NBL1: variants seen among roughly 807,000 people sequenced by gnomAD.
The protein encoded by NBL1 is neuroblastoma suppressor of tumorigenicity 1.
In NBL1, 9 loss-of-function variants were observed where a neutral mutation model predicts 16.0. The observed-to-expected ratio is 0.56, with a 90% CI of 0.34 to 0.98. The LOEUF is 0.98. Among genes scored for constraint, NBL1 ranks in the 50% least tolerant of loss-of-function variants. The probability of loss-of-function intolerance (pLI) is 0.02; values close to 1 mark genes in which losing one functional copy is unlikely to be tolerated. For synonymous variants in NBL1, 86 were observed against 100.7 expected, an observed-to-expected ratio of 0.85 and a Z score of 0.87; for missense variants, 196 against 243.1, an observed-to-expected ratio of 0.81 and a Z score of 1.29.
chr1:19,648,317 G>A (rs1214265656), intron 1 of NBL1, among the ~76,000 whole-genome samples: 1 of 152,130 alleles, frequency 6.6e-6, no homozygotes, highest in Non-Finnish European at 1.5e-5. Flanking sequence ...GTTGTTAATC[G>A]AAGCCCCTTT....
intron 1 of NBL1, chr1:19,645,345 C>T (rs2094972357): frequency 2.0e-6 from 2 of 985,734 alleles, no homozygotes; most frequent in Non-Finnish European, 1.2e-6. Context: ...CTGCCCGGCC[C>T]GCTCCCAGGG....
At chr1:19,654,295 G>A (rs866818739) in intron 1 of NBL1, among the ~76,000 whole-genome samples, 2 of 152,148 alleles carry the variant, frequency 1.3e-5, no homozygotes, top group South Asian at 2.1e-4. Context: ...CCAGCAACTC[G>A]GGAGGCTGAG....
intron 1 of NBL1, among the ~76,000 whole-genome samples, chr1:19,652,023 G>A (rs915870027): frequency 5.3e-5 from 8 of 152,112 alleles, no homozygotes; most frequent in Non-Finnish European, 1.0e-4. Context: ...AATTACAGGT[G>A]TGAGCCACCA....
rs2094965921 is a variant in NBL1 at position 19,644,537 on chromosome 1, C to T, written c.-20+91C>T. ...CCGCGCCCCCAGCCCGGAGCTGCGT[C>T]CCCCGGCGCGTCCGGCGGCCGCGGG... is the stretch of plus-strand genomic sequence containing the variant. On this transcript the variant is annotated intron_variant, in intron 1 of 3. Transcript: ENST00000375136. The surrounding 1 kb of genome is among the most constrained non-coding windows in gnomAD (Gnocchi z 4.6). 1 of 765,308 alleles carries T rather than the reference C, an allele frequency of 1.3e-6. No individual in the cohort carries two copies. Among genetic ancestry groups the T allele is most frequent in the Non-Finnish European group, 1.6e-6 (1 of 630,504 alleles). 47.4% of individuals were successfully genotyped at this position (765,308 alleles called of 1,614,324 possible).
chr1:19,656,306 C>CTT (rs1244995610), intron 3 of NBL1, among the ~76,000 whole-genome samples: 1 of 148,888 alleles, frequency 6.7e-6, no homozygotes, highest in Non-Finnish European at 1.5e-5. Context: ...TGAGCCTCAG[C>CTT]TGGGCTGGGC....
At chr1:19,655,548 CCCA>C in intron 3 of NBL1, 113 bp downstream of exon 3, 2 of 1,221,934 alleles carry the variant, frequency 1.6e-6, no homozygotes, top group Non-Finnish European at 2.3e-6. Context: ...TTAGAAAGGC[CCCA>C]CTGTGTGCAG....
rs558613282 is a variant in NBL1, at chr1:19,645,906, G to A, written c.-20+1460G>A. 1.4e-3 allele frequency: 2,163 copies of A among 1,548,898 alleles called. 5 individuals carry two copies. The highest frequency in any genetic ancestry group is 1.9e-3 in the South Asian group (163 of 83,828). ...TCAAGGGTCGGAGGCTGCCGGAGCG[G>A]GCAGGGTTGTTGGTGAGGTCTGCAG... On this transcript the variant is annotated intron_variant, in intron 1 of 3. Transcript: ENST00000375136.
chr1:19,652,461 CGG>C (rs3838430), intron 1 of NBL1, among the ~76,000 whole-genome samples: 1 of 151,822 alleles, frequency 6.6e-6, no homozygotes, highest in South Asian at 2.1e-4. Flanking sequence ...TGGGAGGCGG[CGG>C]GGGGGCAGCC....
intron 1 of NBL1, among the ~76,000 whole-genome samples, chr1:19,649,390 G>A (rs1032622815): frequency 7.9e-5 from 12 of 151,548 alleles, no homozygotes; most frequent in South Asian, 4.2e-4. Context: ...ATGAAGTCTC[G>A]CTCTGTCCCC....
intron 1 of NBL1, among the ~76,000 whole-genome samples, chr1:19,650,589 G>T (rs1362325749): frequency 1.3e-5 from 2 of 152,206 alleles, no homozygotes; most frequent in African/African-American, 4.8e-5. Flanking sequence ...GCAGAGCAGG[G>T]AGACTTGGCT....
chr1:19,655,546 G>T lies in NBL1; in HGVS notation c.282+111G>T, dbSNP rs1009671894. ...CAGATGGCCACAGGGCCTTAGAAAGGCCCCACTGTGTGCAGGGTGAAGGGC... is the reference window on the plus strand; with the variant it reads ...CAGATGGCCACAGGGCCTTAGAAAGTCCCCACTGTGTGCAGGGTGAAGGGC... On this transcript the variant is annotated intron_variant, in intron 3 of 3. Coordinates refer to ENST00000375136, the MANE Select transcript of NBL1 (RefSeq NM_005380.8). 6.2e-5 allele frequency: 76 copies of T among 1,233,560 alleles called. No individual in the cohort carries two copies. The Middle Eastern group carries it at 8.1e-4, about 13-fold the overall frequency. The allele number at this position is 1,233,560 out of a possible 1,614,324, so 76.4% of individuals were successfully genotyped here.
At chr1:19,645,710 G>A (rs1219239413) in intron 1 of NBL1, 4 of 1,287,308 alleles carry the variant, frequency 3.1e-6, no homozygotes, top group East Asian at 3.5e-5. Flanking sequence ...GCGTTTCCTC[G>A]GTGACCCCTA....
chr1:19,657,053 A>T lies in NBL1; in HGVS notation c.470A>T (p.His157Leu), dbSNP rs1408260219. ...CACCCTCACCCCCATCCCCACCCCCATCCTGGCGGGCAGACCCCTGAGCCC... is the reference window on the plus strand; with the variant it reads ...CACCCTCACCCCCATCCCCACCCCCTTCCTGGCGGGCAGACCCCTGAGCCC... ...GTHPHPHPHP[H>L]PGGQTPEPED... Residue 157 changes from histidine (H) to leucine (L), a missense_variant, in exon 4 of 4, where the codon CAT (histidine) becomes CTT (leucine). His to Leu is a moderately conservative substitution (Grantham distance 99). Coordinates refer to ENST00000375136, the MANE Select transcript of NBL1 (RefSeq NM_005380.8). 3 of 1,148,476 alleles carry T rather than the reference A, an allele frequency of 2.6e-6. No individual in the cohort carries two copies. The highest frequency in any genetic ancestry group is 1.4e-5 in the South Asian group (1 of 69,418). The allele number at this position is 1,148,476 out of a possible 1,614,324, so 71.1% of individuals were successfully genotyped here.
chr1:19,655,085 C>T lies in NBL1; in HGVS notation c.55C>T (p.Pro19Ser). 4 of 1,613,046 alleles carry T rather than the reference C, an allele frequency of 2.5e-6. No homozygotes were observed. Among genetic ancestry groups the T allele is most frequent in the Non-Finnish European group, 3.4e-6 (4 of 1,179,918 alleles). The change falls in exon 2 of 4, where the codon CCA becomes TCA. Residue 19 changes from proline to serine, a missense_variant. By Grantham distance (74) the Pro-to-Ser change is moderately conservative (BLOSUM62 -1). Coordinates refer to ENST00000375136, the MANE Select transcript of NBL1 (RefSeq NM_005380.8). ...CCTCCCTGCCATGCTACTGGCTGCC[C>T]CACCACCCATCAACAAGCTGGCACT... The part of the protein sequence containing the change: ...AVLPAMLLAA[P>S]PPINKLALFP...
intron 1 of NBL1, among the ~76,000 whole-genome samples, chr1:19,649,545 G>A (rs755145354): frequency 5.7e-4 from 86 of 151,738 alleles, no homozygotes; most frequent in Non-Finnish European, 7.4e-4. Context: ...TTTTAGTAGA[G>A]ACGGGGTTTC....
At chr1:19,645,546 C>T in intron 1 of NBL1, 1 of 1,013,380 alleles carries the variant, frequency 9.9e-7, no homozygotes, top group Non-Finnish European at 1.2e-6. Flanking sequence ...GGCTGGAGGC[C>T]AAAGACCGGG....
In NBL1 at chr1:19,645,723, C is replaced by G. The variant is rs548654339; in HGVS notation, c.-20+1277C>G. ...CAGCGTTTCCTCGGTGACCCCTACC[C>G]CTCTCCACCCACCCCTGCAAGCTGG... On this transcript the variant is annotated intron_variant, in intron 1 of 3. Coordinates refer to ENST00000375136, the MANE Select transcript of NBL1 (RefSeq NM_005380.8). The G allele has an allele frequency of 5.7e-4, 765 of 1,335,792 alleles. 2 individuals carry two copies. The highest frequency in any genetic ancestry group is 1.1e-3 in the Middle Eastern group (4 of 3,522). The allele number at this position is 1,335,792 out of a possible 1,614,324, so 82.7% of individuals were successfully genotyped here. A position where few individuals can be genotyped will look rare whatever the true frequency, so the allele number is the denominator to read the frequency against.
rs1186452227 is a variant in NBL1, at chr1:19,658,113, C to T, written c.*984C>T. Reference sequence around the variant, plus strand: ...CGCTGAACCTCGAGGAACTCCAGGACGAGGAGGACATGGGACTTGCGTGGA... The same window carrying T: ...CGCTGAACCTCGAGGAACTCCAGGATGAGGAGGACATGGGACTTGCGTGGA... On this transcript the variant is annotated 3_prime_UTR_variant, in exon 4 of 4. Transcript: ENST00000375136. 6.5e-6 allele frequency: 1 copy of T among 152,796 alleles called. No individual in the cohort carries two copies. The highest frequency in any genetic ancestry group is 1.5e-5 in the Non-Finnish European group (1 of 68,168). The allele number at this position is 152,796 out of a possible 1,614,324, so 9.5% of individuals were successfully genotyped here.
At chr1:19,647,874 T>TGTGC (rs2094992375) in intron 1 of NBL1, among the ~76,000 whole-genome samples, 2 of 147,290 alleles carry the variant, frequency 1.4e-5, no homozygotes, top group African/African-American at 5.2e-5. Flanking sequence ...TGCGTGTGTG[T>TGTGC]GTGTGTGTGC....
Sources: allele counts gnomAD v4.1 joint callset (sites outside exome capture counted in the v4.1 genomes callset), GRCh38; gene constraint gnomAD v4.1.1; non-coding constraint Gnocchi (gnomAD v3.1); transcripts MANE v1.5; gene names NCBI Gene and HGNC (gene_info 2026-07-23, HGNC 2026-07-21).